RBFOX1: variants seen among roughly 807,000 people sequenced by gnomAD.
RBFOX1 encodes the protein RNA binding fox-1 homolog 1.
Under a neutral mutation model 57.7 loss-of-function variants are expected in RBFOX1, and 8 were observed. The observed-to-expected ratio is 0.14, with a 90% CI of 0.08 to 0.25. The LOEUF is 0.25. Ranked by LOEUF, RBFOX1 falls within the 10% of genes least tolerant of loss-of-function variation. The pLI, the probability that RBFOX1 is intolerant of heterozygous loss-of-function variation, is 1.00. For missense variants in RBFOX1, 611 were observed against 548.5 expected (o/e 1.11, Z -1.14); for synonymous variants, 326 against 222.4 (o/e 1.47, Z -4.15).
intron 4 of RBFOX1, among the ~76,000 whole-genome samples, chr16:5,971,732 C>T (rs17718128): frequency 0.093 from 14,144 of 152,144 alleles, 731 homozygotes; most frequent in South Asian, 0.17. Context: ...ATTACATTTG[C>T]AGTTGTTATG....
intron 2 of RBFOX1, among the ~76,000 whole-genome samples, chr16:6,530,316 G>T (rs991810690): frequency 6.6e-6 from 1 of 152,100 alleles, no homozygotes; most frequent in African/African-American, 2.4e-5. Context: ...TGGTAAGCAT[G>T]AGTGAGTTTA....
intron 13 of RBFOX1, among the ~76,000 whole-genome samples, chr16:7,668,850 G>A (rs2070372900): frequency 6.6e-6 from 1 of 152,120 alleles, no homozygotes; most frequent in African/African-American, 2.4e-5. Flanking sequence ...AAACAGAGTT[G>A]CAATGCAAGG....
chr16:6,417,774 A>G (rs1380652447), intron 2 of RBFOX1, among the ~76,000 whole-genome samples: 1 of 89,098 alleles, frequency 1.1e-5, no homozygotes, highest in Non-Finnish European at 2.1e-5. Flanking sequence ...CTTGTGTCAT[A>G]GGTTTTTTTT....
At chr16:6,114,901 A>G (rs778760028) in intron 1 of RBFOX1, among the ~76,000 whole-genome samples, 8 of 152,208 alleles carry the variant, frequency 5.3e-5, no homozygotes, top group Non-Finnish European at 7.3e-5. Flanking sequence ...CAGAGTTGGC[A>G]ACATACGGGC....
intron 1 of RBFOX1, among the ~76,000 whole-genome samples, chr16:6,154,732 T>C (rs1416111476): frequency 6.6e-6 from 1 of 152,152 alleles, no homozygotes. Context: ...TTAATGAATG[T>C]TTTAGGAAAT....
At chr16:5,799,788 C>T (rs918942883) in intron 3 of RBFOX1, among the ~76,000 whole-genome samples, 8 of 152,060 alleles carry the variant, frequency 5.3e-5, no homozygotes, top group African/African-American at 1.9e-4. Context: ...AATTGAGGAG[C>T]TTCTGAATAG....
At chr16:5,651,086 T>C in intron 3 of RBFOX1, among the ~76,000 whole-genome samples, 1 of 114,604 alleles carries the variant, frequency 8.7e-6, no homozygotes, top group African/African-American at 3.5e-5. Flanking sequence ...AGGGTCTCAC[T>C]CTGTCACCCA....
At chr16:7,657,770 G>T (rs905232086) in intron 12 of RBFOX1, among the ~76,000 whole-genome samples, 1 of 152,092 alleles carries the variant, frequency 6.6e-6, no homozygotes, top group Admixed American at 6.6e-5. Context: ...TTCCTCCAGG[G>T]GTAGGGAAAG....
At chr16:5,552,612 C>G (rs1340091335) in intron 2 of RBFOX1, among the ~76,000 whole-genome samples, 2 of 152,164 alleles carry the variant, frequency 1.3e-5, no homozygotes, top group Non-Finnish European at 1.5e-5. Context: ...GCGTATGCAT[C>G]TTATTTGTAA....
At chr16:6,149,623 T>C (rs964345931) in intron 1 of RBFOX1, among the ~76,000 whole-genome samples, 2 of 152,200 alleles carry the variant, frequency 1.3e-5, no homozygotes, top group Admixed American at 6.5e-5. Flanking sequence ...TGGGTCTTTT[T>C]CTTCCAGGTT....
At chr16:7,561,891 T>C (rs1001445921) in intron 5 of RBFOX1, among the ~76,000 whole-genome samples, 1 of 152,190 alleles carries the variant, frequency 6.6e-6, no homozygotes, top group African/African-American at 2.4e-5. Context: ...GGGGAAATCT[T>C]TGAGCTAAGT....
intron 4 of RBFOX1, 125 bp from the exon 5 acceptor site, chr16:7,518,022 G>A: frequency 8.3e-7 from 1 of 1,198,504 alleles, no homozygotes; most frequent in East Asian, 2.5e-5. Context: ...ATCTCAGGCT[G>A]GTGGCACCAT....
chr16:6,703,350 G>A (rs927562906), intron 3 of RBFOX1, among the ~76,000 whole-genome samples: 1 of 152,034 alleles, frequency 6.6e-6, no homozygotes, highest in Non-Finnish European at 1.5e-5. Flanking sequence ...GAGGCAGGAG[G>A]TTTGCTTGAG....
chr16:7,639,317 C>G (rs1205899229), intron 11 of RBFOX1, among the ~76,000 whole-genome samples: 1 of 152,188 alleles, frequency 6.6e-6, no homozygotes, highest in East Asian at 1.9e-4. Context: ...CTGGACCCTT[C>G]CCATCAGGGA....
chr16:7,218,865 C>T (rs1481670588), intron 4 of RBFOX1, among the ~76,000 whole-genome samples: 9 of 151,942 alleles, frequency 5.9e-5, no homozygotes, highest in Admixed American at 5.9e-4. Flanking sequence ...CCTGACTCAC[C>T]CCTCCAGCCT....
chr16:5,701,095 A>T (rs557564718), intron 3 of RBFOX1, among the ~76,000 whole-genome samples: 1 of 143,676 alleles, frequency 7.0e-6, no homozygotes, highest in African/African-American at 2.5e-5. Context: ...TCTTGCCCTG[A>T]TGATACCAGA....
chr16:6,398,710 C>G (rs563896923), intron 2 of RBFOX1, among the ~76,000 whole-genome samples: 52 of 152,354 alleles, frequency 3.4e-4, no homozygotes, highest in African/African-American at 1.2e-3. Context: ...GCCCCTATGC[C>G]TTTGTGGGGC....
chr16:5,273,841 A>T (rs1275400597), intron 1 of RBFOX1, among the ~76,000 whole-genome samples: 1 of 152,192 alleles, frequency 6.6e-6, no homozygotes, highest in African/African-American at 2.4e-5. Flanking sequence ...GCTTTCCAAC[A>T]GTGTGTGAGC....
chr16:6,639,893 AAAAAC>A (rs1185241236), intron 2 of RBFOX1, among the ~76,000 whole-genome samples: 12 of 152,210 alleles, frequency 7.9e-5, no homozygotes, highest in Non-Finnish European at 1.0e-4. Context: ...ACAAAAAACA[AAAAAC>A]AAAACCAAAA....
Sources: allele counts gnomAD v4.1 joint callset (sites outside exome capture counted in the v4.1 genomes callset), GRCh38; gene constraint gnomAD v4.1.1; transcripts MANE v1.5; gene names NCBI Gene and HGNC (gene_info 2026-07-23, HGNC 2026-07-21).